The following MYH15 variants were observed in gnomAD, a reference collection of about 807,000 sequenced individuals.
MYH15 encodes myosin-15.
A neutral mutation model predicts 240.5 loss-of-function variants in MYH15; 227 were observed. The observed-to-expected ratio is 0.94, with a 90% CI of 0.85 to 1.05. The LOEUF (loss-of-function observed/expected upper bound fraction) is 1.05. Among genes scored for constraint, MYH15 ranks in the 50% least tolerant of loss-of-function variants. The pLI, the probability that MYH15 is intolerant of heterozygous loss-of-function variation, is 0.00. For missense variants in MYH15, 2,217 were observed against 2,247.5 expected (o/e 0.99, Z 0.27); for synonymous variants, 785 against 796.7 (o/e 0.99, Z 0.25).
intron 6 of MYH15, among the ~76,000 whole-genome samples, chr3:108,496,907 A>G (rs1365816656): frequency 2.6e-5 from 4 of 151,834 alleles, no homozygotes; most frequent in African/African-American, 9.7e-5. Context: ...TCACGCCTGT[A>G]ATCCCAGCAC....
intron 27 of MYH15, among the ~76,000 whole-genome samples, chr3:108,425,409 G>A (rs906392988): frequency 2.9e-4 from 44 of 152,056 alleles, no homozygotes; most frequent in African/African-American, 8.2e-4. Flanking sequence ...ATAAATATAG[G>A]ATGGTTTGAA....
chr3:108,469,500 C>A (rs1036434355), intron 14 of MYH15, among the ~76,000 whole-genome samples: 1 of 152,174 alleles, frequency 6.6e-6, no homozygotes, highest in African/African-American at 2.4e-5. Context: ...CTGTACACTG[C>A]AGCTAATTTA....
At chr3:108,500,688 T>C (rs2083429752) in intron 3 of MYH15, among the ~76,000 whole-genome samples, 1 of 152,102 alleles carries the variant, frequency 6.6e-6, no homozygotes, top group Non-Finnish European at 1.5e-5. Context: ...ACTGAAGGGG[T>C]TGAATTGTCG....
the MYH15 span, among the ~76,000 whole-genome samples, chr3:108,549,676 GT>G: frequency 2.0e-5 from 3 of 151,934 alleles, no homozygotes; most frequent in Admixed American, 2.0e-4. Context: ...CAAATTTCAA[GT>G]GCTCAATGGC....
intron 25 of MYH15, among the ~76,000 whole-genome samples, chr3:108,436,681 G>A (rs1365967315): frequency 6.6e-6 from 1 of 152,102 alleles, no homozygotes; most frequent in Non-Finnish European, 1.5e-5. Context: ...TGGGACTATG[G>A]GCACATGCCA....
At chr3:108,524,180 A>C (rs2083647506) in intron 1 of MYH15, among the ~76,000 whole-genome samples, 1 of 152,032 alleles carries the variant, frequency 6.6e-6, no homozygotes, top group Non-Finnish European at 1.5e-5. Flanking sequence ...CATATATGAA[A>C]GTACTTTTTC....
Position 108,394,139 on chromosome 3 carries a change from G to A in MYH15, c.5151C>T (p.Ser1717=). 6.2e-7 allele frequency: 1 copy of A among 1,613,992 alleles called. No homozygotes were observed. Among genetic ancestry groups the A allele is most frequent in the Non-Finnish European group, 8.5e-7 (1 of 1,179,936 alleles). Residue 1717 remains serine (S), a synonymous_variant, in exon 36 of 41, where the codon AGC becomes AGT. Transcript: ENST00000693548. ...LFYTQNTSLL[S]QKKKLEADVA... ...CATCAGCCTCCAGTTTCTTCTTCTG[G>A]CTGAGGAGGCTTGTGTTCTAAAGAA...
In MYH15 at chr3:108,428,739, T is replaced by C; in HGVS notation, c.3455A>G (p.Gln1152Arg). ...TTCCTGTTTCTTAGTTATTTCCAGC[T>C]GAGCCAAACTGGATCCTCCTACCTC... ...LEEVGGSSLAQLEITKKQETK... is the reference protein window; with the variant it reads ...LEEVGGSSLARLEITKKQETK... The change falls in exon 27 of 41, where the codon CAG (glutamine) becomes CGG (arginine). Residue 1152 changes from glutamine (Q) to arginine (R), a missense_variant. By Grantham distance (43) the Gln-to-Arg change is conservative. Coordinates refer to ENST00000693548, the MANE Select transcript of MYH15 (RefSeq NM_014981.3). 6.2e-7 allele frequency: 1 copy of C among 1,614,062 alleles called. No homozygotes were observed. Among genetic ancestry groups the C allele is most frequent in the Non-Finnish European group, 8.5e-7 (1 of 1,180,018 alleles).
intron 10 of MYH15, among the ~76,000 whole-genome samples, chr3:108,485,799 T>C (rs1013383977): frequency 6.6e-6 from 1 of 152,176 alleles, no homozygotes; most frequent in African/African-American, 2.4e-5. Flanking sequence ...CAAGAGACTA[T>C]AAAAAATTCA....
intron 24 of MYH15, 126 bp downstream of exon 24, chr3:108,439,608 CAAT>C: frequency 2.4e-6 from 2 of 829,116 alleles, no homozygotes; most frequent in Non-Finnish European, 3.5e-6. Context: ...CTTTTATTCT[CAAT>C]AATCAGGAAA....
Position 108,428,596 on chromosome 3 carries a change from C to T in MYH15, c.3598G>A (p.Glu1200Lys). ...TTCTGCTTGACCTGCTGTAGATTTT[C>T]TACCTGGCCCTCGAGCTCAGCCAGG... ...DSLAELEGQV[E>K]NLQQVKQKLE... The change falls in exon 27 of 41, where the codon GAA (glutamate) becomes AAA (lysine). Residue 1200 changes from glutamate to lysine, a missense_variant. Transcript: ENST00000693548. 1 of 1,613,952 alleles carries T rather than the reference C, an allele frequency of 6.2e-7. No individual in the cohort carries two copies. Among genetic ancestry groups the T allele is most frequent in the Non-Finnish European group, 8.5e-7 (1 of 1,180,014 alleles).
intron 28 of MYH15, among the ~76,000 whole-genome samples, chr3:108,417,661 C>G (rs527378258): frequency 6.6e-6 from 1 of 151,930 alleles, no homozygotes; most frequent in African/African-American, 2.4e-5. Flanking sequence ...TAATTATAGT[C>G]GGGCCTTCCA....
chr3:108,463,243 C>A lies in MYH15; in HGVS notation c.1732G>T (p.Val578Leu), dbSNP rs760517838. The A allele has an allele frequency of 2.5e-6, 4 of 1,601,258 alleles. No homozygotes were observed. Among genetic ancestry groups the A allele is most frequent in the Admixed American group, 3.5e-5 (2 of 56,620 alleles). ...HFELVHYAGV[V>L]PYNISGWLEK... is the part of the protein sequence containing the mutation. ...AGCCAACCACTGATATTATAAGGTA[C>A]CTTTGGAAAGGCATGCATTTCAGGT... The change falls in exon 16 of 41, where the codon GTA becomes TTA. Residue 578 changes from valine (V) to leucine (L), a missense_variant and splice_region_variant. Physicochemically the swap from Val to Leu is conservative, Grantham distance 32. Transcript: ENST00000693548.
intron 23 of MYH15, 82 bp downstream of exon 23, chr3:108,440,936 G>C: frequency 6.5e-7 from 1 of 1,536,758 alleles, no homozygotes. Context: ...AACTTGAATA[G>C]AGCAAGTCAG....
At position 108,415,257 on chromosome 3, in the gene MYH15, A is replaced by G. The variant is rs113239757; in HGVS notation, c.3949-829T>C. Among the ~76,000 whole-genome samples, 249 of 152,196 alleles carry G rather than the reference A, an allele frequency of 1.6e-3. 1 individual carries two copies. The highest frequency in any genetic ancestry group is 5.8e-3 in the African/African-American group (240 of 41,500). ...GGGTCCTCAAGTGTCCTTTATGCAA[A>G]TTAGGAAAAAAGCACATTTTCAGGA... On this transcript the variant is annotated intron_variant, in intron 29 of 40. Transcript: ENST00000693548.
At chr3:108,501,995 A>G (rs1478568547) in intron 2 of MYH15, 140 bp from the exon 3 acceptor site, 1 of 878,114 alleles carries the variant, frequency 1.1e-6, no homozygotes. Flanking sequence ...AAATTAAGCC[A>G]GCCTTCATGG....
chr3:108,400,635 C>G (rs1038702955), intron 33 of MYH15, among the ~76,000 whole-genome samples: 6 of 152,070 alleles, frequency 3.9e-5, no homozygotes, highest in African/African-American at 1.4e-4. Flanking sequence ...ACGGTGAAAT[C>G]CCATCCCTAC....
upstream of MYH15, chr3:108,529,432 C>A (rs2083697617): frequency 1.4e-5 from 8 of 578,882 alleles, no homozygotes; most frequent in East Asian, 2.5e-4. Flanking sequence ...TATATTTAGT[C>A]ATTGTGCTTG....
At chr3:108,456,318 T>G (rs927267273) in intron 19 of MYH15, among the ~76,000 whole-genome samples, 16 of 152,162 alleles carry the variant, frequency 1.1e-4, no homozygotes, top group African/African-American at 3.9e-4. Flanking sequence ...TCAAATTGAT[T>G]TGATGACCTA....
Sources: gnomAD v4.1 joint callset for allele counts (sites outside exome capture counted in the v4.1 genomes callset) on GRCh38, gnomAD v4.1.1 for gene constraint, MANE v1.5 for transcripts, NCBI Gene and HGNC (gene_info 2026-07-23, HGNC 2026-07-21) for gene names.